Variants in HMCN1 observed in about 807,000 individuals in gnomAD.
HMCN1 encodes hemicentin 1.
A neutral mutation model predicts 625.9 loss-of-function variants in HMCN1; 321 were observed. The ratio of observed to expected loss-of-function variants is 0.51; its 90% CI spans 0.47 to 0.56. The LOEUF (loss-of-function observed/expected upper bound fraction) is 0.56. Ranked by LOEUF, HMCN1 falls within the 20% of genes least tolerant of loss-of-function variation. The probability of loss-of-function intolerance (pLI) is 0.00; values close to 1 mark genes in which losing one functional copy is unlikely to be tolerated. For missense variants in HMCN1, 6,588 were observed against 6,887.3 expected (o/e 0.96, Z 1.54); for synonymous variants, 2,425 against 2,417.6 (o/e 1.00, Z -0.09).
At chr1:186,175,657 C>T (rs1368812335) in intron 103 of HMCN1, among the ~76,000 whole-genome samples, 1 of 151,990 alleles carries the variant, frequency 6.6e-6, no homozygotes, top group Non-Finnish European at 1.5e-5. Context: ...AATTTGGCCA[C>T]CAGCTGGATC....
At position 186,088,166 on chromosome 1, in the gene HMCN1, C is replaced by T; in HGVS notation, c.9467C>T (p.Pro3156Leu). Residue 3156 changes from proline to leucine, a missense_variant, in exon 62 of 107, where the codon CCT (proline) becomes CTT (leucine). Physicochemically the swap from Pro to Leu is moderately conservative, Grantham distance 98. Around this residue, in one of 3 missense-constraint regions of HMCN1, gnomAD observed 4,628 missense variants for 4,853.1 expected, o/e 0.95. Transcript: ENST00000271588. ...ACAGTGCCACCCAGTATTGAAGGACCTGAAAGAGAAGTGATTGTGGAGACG... is the reference window on the plus strand; with the variant it reads ...ACAGTGCCACCCAGTATTGAAGGACTTGAAAGAGAAGTGATTGTGGAGACG... ...NVYVPPSIEGPEREVIVETIS... is the reference protein window; with the variant it reads ...NVYVPPSIEGLEREVIVETIS... 6.2e-7 allele frequency: 1 copy of T among 1,610,288 alleles called. No individual in the cohort carries two copies. Among genetic ancestry groups the T allele is most frequent in the Admixed American group, 1.7e-5 (1 of 59,448 alleles).
chr1:185,928,901 A>G (rs374266403), intron 10 of HMCN1, among the ~76,000 whole-genome samples: 19 of 152,310 alleles, frequency 1.2e-4, no homozygotes, highest in African/African-American at 4.6e-4. Context: ...TGTAAAAGAA[A>G]GCATAATAAC....
At chr1:186,110,254 G>A (rs1226309230) in intron 71 of HMCN1, among the ~76,000 whole-genome samples, 2 of 152,142 alleles carry the variant, frequency 1.3e-5, no homozygotes, top group South Asian at 4.1e-4. Context: ...AAGTTTGTAG[G>A]AGGTTGACTA....
chr1:186,144,286 T>A lies in HMCN1; in HGVS notation c.14038T>A (p.Ser4680Thr). 6.2e-7 allele frequency: 1 copy of A among 1,613,934 alleles called. No homozygotes were observed. The highest frequency in any genetic ancestry group is 8.5e-7 in the Non-Finnish European group (1 of 1,179,990). ...CNNPPPAFGG[S>T]YCDGAETQMQ... ...TAACCCACCACCAGCGTTTGGTGGG[T>A]CCTACTGTGATGGAGCAGAAACACA... The change falls in exon 90 of 107, where the codon TCC (serine) becomes ACC (threonine). Residue 4680 changes from serine to threonine, a missense_variant. Transcript: ENST00000271588.
chr1:185,772,561 T>C (rs915001590), intron 1 of HMCN1, among the ~76,000 whole-genome samples: 2 of 152,122 alleles, frequency 1.3e-5, no homozygotes, highest in African/African-American at 4.8e-5. Context: ...TATGTTTGTA[T>C]TGGGTATTCA....
intron 11 of HMCN1, among the ~76,000 whole-genome samples, chr1:185,936,351 A>T (rs2102501338): frequency 6.6e-6 from 1 of 152,220 alleles, no homozygotes; most frequent in East Asian, 1.9e-4. Flanking sequence ...TAACAGCAGC[A>T]AAAATCCTAG....
chr1:186,049,463 A>G (rs1656802957), intron 42 of HMCN1, among the ~76,000 whole-genome samples: 1 of 151,926 alleles, frequency 6.6e-6, no homozygotes, highest in Non-Finnish European at 1.5e-5. Flanking sequence ...AGATGGGATT[A>G]CTATAATAAC....
chr1:186,043,205 G>T (rs545418909), intron 40 of HMCN1, among the ~76,000 whole-genome samples: 1 of 152,106 alleles, frequency 6.6e-6, no homozygotes, highest in African/African-American at 2.4e-5. Flanking sequence ...AACAGGTCCA[G>T]AACACATCCC....
At chr1:185,818,285 A>G (rs1055512381) in intron 1 of HMCN1, among the ~76,000 whole-genome samples, 4 of 152,120 alleles carry the variant, frequency 2.6e-5, no homozygotes, top group African/African-American at 7.2e-5. Context: ...ATCACATAAC[A>G]CTTTTAATTA....
chr1:185,755,187 GT>G (rs1655055378), intron 1 of HMCN1, among the ~76,000 whole-genome samples: 1 of 152,082 alleles, frequency 6.6e-6, no homozygotes, highest in African/African-American at 2.4e-5. Context: ...TATAATCTGT[GT>G]TTTTCTCCTT....
chr1:186,108,490 C>A lies in HMCN1; in HGVS notation c.10882C>A (p.Pro3628Thr). The change falls in exon 71 of 107, where the codon CCC (proline) becomes ACC (threonine). Residue 3628 changes from proline (P) to threonine (T), a missense_variant. Around this residue, in one of 3 missense-constraint regions of HMCN1, gnomAD observed 4,628 missense variants for 4,853.1 expected, o/e 0.95. Coordinates refer to ENST00000271588, the MANE Select transcript of HMCN1 (RefSeq NM_031935.3). ...TCCTAATATTGCTGGAACTGATGAG[C>A]CCCGGGATATCACTGTGTTACGGAA... ...VPPNIAGTDE[P>T]RDITVLRNRQ... 6.2e-7 allele frequency: 1 copy of A among 1,614,056 alleles called. No homozygotes were observed. The highest frequency in any genetic ancestry group is 8.5e-7 in the Non-Finnish European group (1 of 1,179,992).
At chr1:186,036,602 T>C (rs1655841961) in intron 36 of HMCN1, among the ~76,000 whole-genome samples, 1 of 152,038 alleles carries the variant, frequency 6.6e-6, no homozygotes. Context: ...TTTCTTTTTT[T>C]TTTTTGAGGT....
Position 186,144,175 on chromosome 1 carries a change from C to A in HMCN1, c.13927C>A (p.His4643Asn). The A allele has an allele frequency of 6.3e-7, 1 of 1,598,040 alleles. No individual in the cohort carries two copies. The highest frequency in any genetic ancestry group is 8.5e-7 in the Non-Finnish European group (1 of 1,172,632). The change falls in exon 90 of 107, where the codon CAT becomes AAT. Residue 4643 changes from histidine to asparagine, a missense_variant and splice_region_variant. His to Asn is a moderately conservative substitution (Grantham distance 68). Coordinates refer to ENST00000271588, the MANE Select transcript of HMCN1 (RefSeq NM_031935.3). ...ACTGTCTTTTGGGGTGTTTGCAGTTCATGGAGCATGGAGCGCTTGGCAGCC... is the reference window on the plus strand; with the variant it reads ...ACTGTCTTTTGGGGTGTTTGCAGTTAATGGAGCATGGAGCGCTTGGCAGCC... ...IMCNIRPCPV[H>N]GAWSAWQPWG...
chr1:186,115,016 G>T (rs1661064919), intron 74 of HMCN1, 70 bp downstream of exon 74: 2 of 1,601,728 alleles, frequency 1.2e-6, no homozygotes. Flanking sequence ...AACTAGTGAG[G>T]TCATAAAGAT....
At chr1:185,757,326 T>C (rs1010113706) in intron 1 of HMCN1, among the ~76,000 whole-genome samples, 2 of 152,220 alleles carry the variant, frequency 1.3e-5, no homozygotes, top group Non-Finnish European at 2.9e-5. Context: ...GCCTGTGTGA[T>C]CTGGCCCGAT....
intron 1 of HMCN1, among the ~76,000 whole-genome samples, chr1:185,794,491 G>GA (rs202061613): frequency 4.5e-5 from 6 of 132,436 alleles, no homozygotes; most frequent in South Asian, 4.7e-4. Flanking sequence ...AGAAAAAAAA[G>GA]AAAAAAAAAG....
chr1:185,794,343 T>TTATATATA (rs61058896), intron 1 of HMCN1, among the ~76,000 whole-genome samples: 3,179 of 147,662 alleles, frequency 0.022, 119 homozygotes, highest in African/African-American at 0.075. Flanking sequence ...AGAGGATAGA[T>TTATATATA]TATATATATA....
chr1:185,865,618 CACACACACACACAT>C, intron 3 of HMCN1, 109 bp from the exon 4 acceptor site: 1 of 730,652 alleles, frequency 1.4e-6, no homozygotes, highest in Non-Finnish European at 2.3e-6. Flanking sequence ...CACACACACA[CACACACACACACAT>C]TCACATATTC....
At chr1:186,070,800 C>A (rs957049360) in intron 52 of HMCN1, 43 bp downstream of exon 52, 4 of 1,583,012 alleles carry the variant, frequency 2.5e-6, no homozygotes, top group Non-Finnish European at 3.5e-6. Context: ...TTCTTAAAGA[C>A]TAAAATGGTC....
Sources: gnomAD v4.1 joint callset for allele counts (sites outside exome capture counted in the v4.1 genomes callset) on GRCh38, gnomAD v4.1.1 for gene constraint, gnomAD v4.1.1 regional missense constraint, MANE v1.5 for transcripts, NCBI Gene and HGNC (gene_info 2026-07-23, HGNC 2026-07-21) for gene names.